Variants in SOX6 observed in about 807,000 individuals in gnomAD.
SOX6 encodes transcription factor SOX-6.
Under a neutral mutation model 97.8 loss-of-function variants are expected in SOX6, and 11 were observed. The observed-to-expected ratio is 0.11, with a 90% CI of 0.07 to 0.19. SOX6 has a LOEUF of 0.19. Among genes scored for constraint, SOX6 ranks in the 10% least tolerant of loss-of-function variants. The pLI is 1.00. For synonymous variants in SOX6, 360 were observed against 371.4 expected, an observed-to-expected ratio of 0.97 and a Z score of 0.35; for missense variants, 810 against 1,039.5, an observed-to-expected ratio of 0.78 and a Z score of 3.04.
intron 1 of SOX6, among the ~76,000 whole-genome samples, chr11:16,378,540 A>G (rs1857709126): frequency 6.6e-6 from 1 of 152,136 alleles, no homozygotes; most frequent in African/African-American, 2.4e-5. Flanking sequence ...CATAGTGTTT[A>G]AAAGATGAAT....
At chr11:16,102,674 A>G (rs1430432986) in intron 7 of SOX6, among the ~76,000 whole-genome samples, 2 of 152,084 alleles carry the variant, frequency 1.3e-5, no homozygotes, top group Non-Finnish European at 2.9e-5. Context: ...TGGTATGAAA[A>G]TAGGCACATA....
intron 9 of SOX6, among the ~76,000 whole-genome samples, chr11:16,084,932 A>C (rs1848545409): frequency 6.6e-6 from 1 of 152,212 alleles, no homozygotes; most frequent in South Asian, 2.1e-4. Context: ...TCTGCATTTA[A>C]GAAATGCCTC....
At chr11:16,567,560 T>C (rs202221792) in intron 4 of SOX6, among the ~76,000 whole-genome samples, 7,077 of 119,248 alleles carry the variant, frequency 0.059, 588 homozygotes, top group Non-Finnish European at 0.077. Flanking sequence ...CATATTTTTT[T>C]CTTTTTTTTT....
At chr11:16,714,403 T>C (rs1848202844) in intron 3 of SOX6, among the ~76,000 whole-genome samples, 1 of 151,946 alleles carries the variant, frequency 6.6e-6, no homozygotes, top group African/African-American at 2.4e-5. Context: ...ATAAATACCT[T>C]TGTTATTTAC....
intron 9 of SOX6, among the ~76,000 whole-genome samples, chr11:16,062,220 A>T (rs1044013960): frequency 4.6e-5 from 7 of 151,646 alleles, no homozygotes; most frequent in Admixed American, 4.6e-4. Flanking sequence ...TCTAGTTATT[A>T]ACACAGATAG....
intron 4 of SOX6, chr11:16,567,183 G>A (rs2133196112): frequency 6.6e-6 from 1 of 152,288 alleles, no homozygotes; most frequent in Admixed American, 6.5e-5. Flanking sequence ...AATGTGTGGT[G>A]GGCTTATTGA....
chr11:16,544,204 T>C (rs1847588270), intron 4 of SOX6, among the ~76,000 whole-genome samples: 1 of 152,114 alleles, frequency 6.6e-6, no homozygotes, highest in Admixed American at 6.6e-5. Flanking sequence ...GCCCTGGGAT[T>C]GGGGGTGGGA....
intron 4 of SOX6, among the ~76,000 whole-genome samples, chr11:16,588,007 A>G (rs1212109512): frequency 6.6e-6 from 1 of 152,222 alleles, no homozygotes; most frequent in Non-Finnish European, 1.5e-5. Context: ...TAGGTTAGAA[A>G]GCAAGAGCAC....
intron 2 of SOX6, among the ~76,000 whole-genome samples, chr11:16,725,065 T>C (rs1848296563): frequency 6.6e-6 from 1 of 152,176 alleles, no homozygotes; most frequent in Non-Finnish European, 1.5e-5. Context: ...TCTACACAAA[T>C]GTTCATTGCA....
At chr11:16,591,397 T>C (rs1009534283) in intron 4 of SOX6, among the ~76,000 whole-genome samples, 1 of 149,204 alleles carries the variant, frequency 6.7e-6, no homozygotes, top group Non-Finnish European at 1.5e-5. Context: ...TAATTAGGTA[T>C]ATACATACAA....
intron 3 of SOX6, among the ~76,000 whole-genome samples, chr11:16,283,012 G>T (rs574005320): frequency 2.0e-5 from 1 of 49,436 alleles, no homozygotes; most frequent in African/African-American, 5.6e-5. Flanking sequence ...AGCCCTATGA[G>T]ATGTGAGTAT....
At chr11:16,254,669 G>A (rs756855856) in intron 3 of SOX6, among the ~76,000 whole-genome samples, 1 of 151,628 alleles carries the variant, frequency 6.6e-6, no homozygotes, top group East Asian at 2.0e-4. Flanking sequence ...ATAAATGCTC[G>A]ATTAAAACCA....
Position 16,259,515 on chromosome 11 carries a change from C to T in SOX6, c.446-24844G>A, listed in dbSNP as rs185348370. On this transcript the variant is annotated intron_variant, in intron 3 of 15. Transcript: ENST00000683767. ...AGAACAAAATTAAAGGAGCTGACTGCCTTATGAATTTATTGTGAAGCTACA... is the reference window on the plus strand; with the variant it reads ...AGAACAAAATTAAAGGAGCTGACTGTCTTATGAATTTATTGTGAAGCTACA... Among the ~76,000 whole-genome samples, 30 of 152,106 alleles carry T rather than the reference C, an allele frequency of 2.0e-4. 1 individual carries two copies. The East Asian group carries it at 4.8e-3, about 25-fold the overall frequency.
At chr11:16,415,219 C>T (rs1858902424) in intron 1 of SOX6, among the ~76,000 whole-genome samples, 1 of 151,658 alleles carries the variant, frequency 6.6e-6, no homozygotes, top group Non-Finnish European at 1.5e-5. Flanking sequence ...ATATCTAGGC[C>T]CCTACAAAGA....
intron 4 of SOX6, among the ~76,000 whole-genome samples, chr11:16,514,670 A>AGATGC (rs1565168462): frequency 6.7e-6 from 1 of 148,550 alleles, no homozygotes; most frequent in African/African-American, 2.5e-5. Context: ...AGCATTAGGT[A>AGATGC]TATCTCCCAA....
At chr11:16,533,654 T>C (rs1038071396) in intron 4 of SOX6, among the ~76,000 whole-genome samples, 1 of 152,026 alleles carries the variant, frequency 6.6e-6, no homozygotes, top group Non-Finnish European at 1.5e-5. Flanking sequence ...AACTTTTAAT[T>C]TTGTCCTATT....
intron 6 of SOX6, among the ~76,000 whole-genome samples, chr11:16,123,381 A>C (rs1230619664): frequency 6.6e-6 from 1 of 152,040 alleles, no homozygotes; most frequent in African/African-American, 2.4e-5. Context: ...AAGATGTCTA[A>C]GCTATTGACA....
intron 4 of SOX6, among the ~76,000 whole-genome samples, chr11:16,231,349 A>G (rs1383970258): frequency 6.6e-6 from 1 of 151,826 alleles, no homozygotes; most frequent in African/African-American, 2.4e-5. Flanking sequence ...CAGTTCACAA[A>G]GGAAGAGATA....
At chr11:16,132,753 C>T (rs1849854131) in intron 6 of SOX6, among the ~76,000 whole-genome samples, 1 of 150,440 alleles carries the variant, frequency 6.6e-6, no homozygotes, top group Admixed American at 6.6e-5. Context: ...CCTTGTCCTA[C>T]CTGTTTTTAG....
Sources: allele counts gnomAD v4.1 joint callset (sites outside exome capture counted in the v4.1 genomes callset), GRCh38; gene constraint gnomAD v4.1.1; transcripts MANE v1.5; gene names NCBI Gene and HGNC (gene_info 2026-07-23, HGNC 2026-07-21).